DCUN1D5: variants seen among roughly 807,000 people sequenced by gnomAD.
The protein encoded by DCUN1D5 is defective in cullin neddylation 1 domain containing 5.
Under a neutral mutation model 38.3 loss-of-function variants are expected in DCUN1D5, and 10 were observed. The ratio of observed to expected loss-of-function variants is 0.26; its 90% CI spans 0.16 to 0.44. The LOEUF is 0.44. Ranked by LOEUF, DCUN1D5 falls within the 20% of genes least tolerant of loss-of-function variation. The pLI is 1.00. For synonymous variants in DCUN1D5, 93 were observed against 90.9 expected (o/e 1.02, Z -0.13); for missense variants, 148 against 275.3 (o/e 0.54, Z 3.27).
At position 103,077,816 on chromosome 11, in the gene DCUN1D5, C is replaced by T. The variant is rs921149514; in HGVS notation, c.341+4932G>A. Among the ~76,000 whole-genome samples, 1 of 152,120 alleles carries T rather than the reference C, an allele frequency of 6.6e-6. No individual in the cohort carries two copies. The highest frequency in any genetic ancestry group is 1.5e-5 in the Non-Finnish European group (1 of 68,014). On this transcript the variant is annotated intron_variant, in intron 4 of 7. Transcript: ENST00000260247. This position sits in a 1 kb window ranked among gnomAD's most constrained non-coding sequence, Gnocchi z 4.3. ...CTTCCTCTAAATAAGCTTTCTCAAC[C>T]AGAACAATACCATCTACTTCTAGGG...
intron 1 of DCUN1D5, among the ~76,000 whole-genome samples, chr11:103,090,024 C>T (rs183131589): frequency 2.9e-4 from 44 of 151,960 alleles, no homozygotes; most frequent in African/African-American, 1.0e-3. Flanking sequence ...ATTTAATGGC[C>T]TTCAGAGAAA....
rs916124366 is a variant in DCUN1D5 at position 103,058,844 on chromosome 11, T to G, written c.*3515A>C. Among the ~76,000 whole-genome samples, 1 of 151,944 alleles carries G rather than the reference T, an allele frequency of 6.6e-6. No individual in the cohort carries two copies. Among genetic ancestry groups the G allele is most frequent in the Admixed American group, 6.6e-5 (1 of 15,252 alleles). ...TGGTATTTCCTCAAGAGGGAAGGAT[T>G]CCTCCTTAGAGGTAAGAATTCTTCT... On this transcript the variant is annotated 3_prime_UTR_variant, in exon 8 of 8. Transcript: ENST00000260247.
At chr11:103,067,697 G>C (rs1465072193) in intron 4 of DCUN1D5, among the ~76,000 whole-genome samples, 1 of 152,076 alleles carries the variant, frequency 6.6e-6, no homozygotes, top group African/African-American at 2.4e-5. Flanking sequence ...AAATATTTTG[G>C]ACAATTTTCT....
In DCUN1D5 at chr11:103,083,068, A is replaced by G. The variant is rs955001469; in HGVS notation, c.249+188T>C. ...TAGAATCTCTTATTCTATTACATATAACATTTGTATCAAGAAAGAATACAT... is the reference window on the plus strand; with the variant it reads ...TAGAATCTCTTATTCTATTACATATGACATTTGTATCAAGAAAGAATACAT... On this transcript the variant is annotated intron_variant, in intron 3 of 7. Transcript: ENST00000260247. The surrounding 1 kb of genome is among the most constrained non-coding windows in gnomAD (Gnocchi z 4.4). Among the ~76,000 whole-genome samples, 1 of 152,064 alleles carries G rather than the reference A, an allele frequency of 6.6e-6. No homozygotes were observed. The highest frequency in any genetic ancestry group is 1.5e-5 in the Non-Finnish European group (1 of 67,882).
chr11:103,089,126 C>T, intron 2 of DCUN1D5, 101 bp downstream of exon 2: 1 of 1,225,300 alleles, frequency 8.2e-7, no homozygotes, highest in Non-Finnish European at 1.1e-6. Flanking sequence ...GTACACAGCA[C>T]TAACACATAG....
At chr11:103,067,298 G>A (rs1052552656) in intron 4 of DCUN1D5, among the ~76,000 whole-genome samples, 1 of 152,126 alleles carries the variant, frequency 6.6e-6, no homozygotes, top group Non-Finnish European at 1.5e-5. Flanking sequence ...AGGCAGTCAA[G>A]GCCTTTCACA....
Position 103,091,629 on chromosome 11 carries a change from G to A in DCUN1D5, c.86+158C>T, listed in dbSNP as rs892431964. On this transcript the variant is annotated intron_variant, in intron 1 of 7. Coordinates refer to ENST00000260247, the MANE Select transcript of DCUN1D5 (RefSeq NM_032299.4). This position sits in a 1 kb window ranked among gnomAD's most constrained non-coding sequence, Gnocchi z 4.3. Reference sequence around the variant, plus strand: ...ACTCGAACACGAGGTCGGGTCGGGCGCGGAGACTCGCGGTGTTCGGCACCT... The same window carrying A: ...ACTCGAACACGAGGTCGGGTCGGGCACGGAGACTCGCGGTGTTCGGCACCT... 10 of 1,352,172 alleles carry A rather than the reference G, an allele frequency of 7.4e-6. No homozygotes were observed. Among genetic ancestry groups the A allele is most frequent in the Non-Finnish European group, 1.0e-5 (10 of 976,388 alleles). The allele number at this position is 1,352,172 out of a possible 1,614,324, so 83.8% of individuals were successfully genotyped here.
chr11:103,066,242 T>C lies in DCUN1D5; in HGVS notation c.555+27A>G. ...TTCAGATTAAGTTTTAAAATAATATTTTCAAAATTCGAAAAAACATACGTA... is the reference window on the plus strand; with the variant it reads ...TTCAGATTAAGTTTTAAAATAATATCTTCAAAATTCGAAAAAACATACGTA... On this transcript the variant is annotated intron_variant, in intron 6 of 7. Coordinates refer to ENST00000260247, the MANE Select transcript of DCUN1D5 (RefSeq NM_032299.4). This position sits in a 1 kb window ranked among gnomAD's most constrained non-coding sequence, Gnocchi z 4.7. 7.1e-7 allele frequency: 1 copy of C among 1,402,724 alleles called. No homozygotes were observed. The allele number at this position is 1,402,724 out of a possible 1,614,324, so 86.9% of individuals were successfully genotyped here. A position where few individuals can be genotyped will look rare whatever the true frequency, so the allele number is the denominator to read the frequency against.
intron 4 of DCUN1D5, among the ~76,000 whole-genome samples, chr11:103,067,311 T>C (rs748049213): frequency 2.6e-5 from 4 of 152,208 alleles, no homozygotes; most frequent in Non-Finnish European, 5.9e-5. Flanking sequence ...CTTTCACAAT[T>C]TGGCACAAAT....
chr11:103,091,676 G>T lies in DCUN1D5; in HGVS notation c.86+111C>A. On this transcript the variant is annotated intron_variant, in intron 1 of 7. Coordinates refer to ENST00000260247, the MANE Select transcript of DCUN1D5 (RefSeq NM_032299.4). The surrounding 1 kb of genome is among the most constrained non-coding windows in gnomAD (Gnocchi z 4.3). ...ACCTACAGCCTAGCTCGATCAAAGG[G>T]GCCTCACCTGTCTCCAGCCCCAGCC... 6.3e-7 allele frequency: 1 copy of T among 1,598,002 alleles called. No homozygotes were observed. Among genetic ancestry groups the T allele is most frequent in the Non-Finnish European group, 8.5e-7 (1 of 1,172,358 alleles).
In DCUN1D5 at chr11:103,083,715, G is replaced by C. The variant is rs1862627288; in HGVS notation, c.179-389C>G. Among the ~76,000 whole-genome samples, 1 of 151,848 alleles carries C rather than the reference G, an allele frequency of 6.6e-6. No homozygotes were observed. Among genetic ancestry groups the C allele is most frequent in the Non-Finnish European group, 1.5e-5 (1 of 67,920 alleles). On this transcript the variant is annotated intron_variant, in intron 2 of 7. Transcript: ENST00000260247. The surrounding 1 kb of genome is among the most constrained non-coding windows in gnomAD (Gnocchi z 4.4). ...GCAGCTGGAGCTTCTTAATCTACTG[G>C]AATATCAGAACCAACACAAAGTTCA...
intron 4 of DCUN1D5, among the ~76,000 whole-genome samples, chr11:103,076,365 T>C (rs920806464): frequency 1.3e-5 from 2 of 152,144 alleles, no homozygotes; most frequent in Admixed American, 1.3e-4. Flanking sequence ...ACAAAGCACA[T>C]AGTGACTGAG....
chr11:103,084,183 G>A (rs899503173), intron 2 of DCUN1D5, among the ~76,000 whole-genome samples: 3 of 152,168 alleles, frequency 2.0e-5, no homozygotes, highest in African/African-American at 7.2e-5. Context: ...GTAATAATAT[G>A]AGAAATGTGT....
chr11:103,061,355 G>A lies in DCUN1D5; in HGVS notation c.*1004C>T, dbSNP rs1455886458. Among the ~76,000 whole-genome samples the A allele has an allele frequency of 2.6e-5, 4 of 152,108 alleles. No homozygotes were observed. Reference sequence around the variant, plus strand: ...AAAGGAATGTACAAACAGGCCTGCTGCTAGTACAAAAGTGCCTTTTACATG... The same window carrying A: ...AAAGGAATGTACAAACAGGCCTGCTACTAGTACAAAAGTGCCTTTTACATG... On this transcript the variant is annotated 3_prime_UTR_variant, in exon 8 of 8. Transcript: ENST00000260247.
intron 1 of DCUN1D5, 62 bp from the exon 2 acceptor site, chr11:103,089,380 G>C: frequency 2.1e-6 from 3 of 1,396,992 alleles, no homozygotes; most frequent in African/African-American, 1.5e-5. Context: ...GAAAAACTAA[G>C]TTCAAAATTA....
chr11:103,084,088 T>C (rs928890673), intron 2 of DCUN1D5, among the ~76,000 whole-genome samples: 3 of 152,224 alleles, frequency 2.0e-5, no homozygotes, highest in Non-Finnish European at 2.9e-5. Flanking sequence ...TATCATTTTT[T>C]CAAAATGTTA....
Position 103,056,992 on chromosome 11 carries a change from T to C in DCUN1D5, c.*5367A>G, listed in dbSNP as rs1861891131. On this transcript the variant is annotated 3_prime_UTR_variant, in exon 8 of 8. Coordinates refer to ENST00000260247, the MANE Select transcript of DCUN1D5 (RefSeq NM_032299.4). The surrounding 1 kb of genome is among the most constrained non-coding windows in gnomAD (Gnocchi z 4.9). ...CTGAAAATGACATAGGTTAAGTGGCTTGTTTAAAAGTGACATTAACAGGAA... is the reference window on the plus strand; with the variant it reads ...CTGAAAATGACATAGGTTAAGTGGCCTGTTTAAAAGTGACATTAACAGGAA... Among the ~76,000 whole-genome samples, 1 of 152,160 alleles carries C rather than the reference T, an allele frequency of 6.6e-6. No individual in the cohort carries two copies. Among genetic ancestry groups the C allele is most frequent in the African/African-American group, 2.4e-5 (1 of 41,424 alleles).
chr11:103,062,937 G>A lies in DCUN1D5; in HGVS notation c.659-523C>T, dbSNP rs1033665392. On this transcript the variant is annotated intron_variant, in intron 7 of 7. Transcript: ENST00000260247. This position sits in a 1 kb window ranked among gnomAD's most constrained non-coding sequence, Gnocchi z 4.6. ...ACATATATTTTTATAACGTAGGGGAGGTCCAAACTCATTTGCTGACAGAGC... is the reference window on the plus strand; with the variant it reads ...ACATATATTTTTATAACGTAGGGGAAGTCCAAACTCATTTGCTGACAGAGC... Among the ~76,000 whole-genome samples the A allele has an allele frequency of 6.6e-6, 1 of 152,020 alleles. No homozygotes were observed. The highest frequency in any genetic ancestry group is 6.6e-5 in the Admixed American group (1 of 15,254).
At position 103,059,819 on chromosome 11, in the gene DCUN1D5, T is replaced by C. The variant is rs1375856197; in HGVS notation, c.*2540A>G. Among the ~76,000 whole-genome samples the C allele has an allele frequency of 6.6e-6, 1 of 152,128 alleles. No individual in the cohort carries two copies. Among genetic ancestry groups the C allele is most frequent in the African/African-American group, 2.4e-5 (1 of 41,410 alleles). Reference sequence around the variant, plus strand: ...TACTTTCTCCCAGTAGTATTACATTTGTATAATATTCTTATAGAAACAACT... The same window carrying C: ...TACTTTCTCCCAGTAGTATTACATTCGTATAATATTCTTATAGAAACAACT... On this transcript the variant is annotated 3_prime_UTR_variant, in exon 8 of 8. Transcript: ENST00000260247.
Sources: gnomAD v4.1 joint callset for allele counts (sites outside exome capture counted in the v4.1 genomes callset) on GRCh38, gnomAD v4.1.1 for gene constraint, Gnocchi (gnomAD v3.1) non-coding constraint, MANE v1.5 for transcripts, NCBI Gene and HGNC (gene_info 2026-07-23, HGNC 2026-07-21) for gene names.